Variants in RPTOR observed in about 807,000 individuals in gnomAD.
RPTOR encodes the protein regulatory associated protein of MTOR complex 1.
A neutral mutation model predicts 169.9 loss-of-function variants in RPTOR; 21 were observed. The ratio of observed to expected loss-of-function variants is 0.12; its 90% CI spans 0.09 to 0.18. The LOEUF (loss-of-function observed/expected upper bound fraction) is 0.18. Ranked by LOEUF, RPTOR falls within the 10% of genes least tolerant of loss-of-function variation. The pLI is 1.00. For synonymous variants in RPTOR, 732 were observed against 753.2 expected (o/e 0.97, Z 0.46); for missense variants, 1,133 against 1,855.9 (o/e 0.61, Z 7.16).
intron 5 of RPTOR, among the ~76,000 whole-genome samples, chr17:80,742,544 T>G (rs1027601734): frequency 6.6e-6 from 1 of 150,690 alleles, no homozygotes. Context: ...ACACGTATAC[T>G]CACCTACATT....
intron 1 of RPTOR, among the ~76,000 whole-genome samples, chr17:80,568,225 T>A (rs1032770104): frequency 6.6e-6 from 1 of 152,204 alleles, no homozygotes; most frequent in Admixed American, 6.5e-5. Context: ...TTTCTGTTTC[T>A]AGGCTTCATT....
intron 4 of RPTOR, among the ~76,000 whole-genome samples, chr17:80,719,998 T>G (rs1567874051): frequency 1.3e-5 from 2 of 152,340 alleles, no homozygotes; most frequent in East Asian, 3.9e-4. Context: ...TAATTGTTGC[T>G]TCTGTTGAAA....
At chr17:80,760,728 C>T (rs931409752) in intron 6 of RPTOR, among the ~76,000 whole-genome samples, 7 of 152,188 alleles carry the variant, frequency 4.6e-5, no homozygotes, top group South Asian at 4.1e-4. Flanking sequence ...GCGTGTCTGC[C>T]GGTCTGCAGG....
chr17:80,821,380 T>TA (rs148948926), intron 7 of RPTOR, among the ~76,000 whole-genome samples: 282 of 152,370 alleles, frequency 1.9e-3, no homozygotes, highest in Non-Finnish European at 3.2e-3. Context: ...GCTGATCAGC[T>TA]AAATCTTTTT....
At position 80,945,785 on chromosome 17, in the gene RPTOR, T is replaced by C. The variant is rs201598436; in HGVS notation, c.3140+4T>C. On this transcript the variant is annotated splice_donor_region_variant and intron_variant, in intron 26 of 33. Coordinates refer to ENST00000306801, the MANE Select transcript of RPTOR (RefSeq NM_020761.3). Reference sequence around the variant, plus strand: ...TAGCCGACAAGGACAGCATCTGGTATGCACCGCGCTGGTCAGGCCTCCCTT... The same window carrying C: ...TAGCCGACAAGGACAGCATCTGGTACGCACCGCGCTGGTCAGGCCTCCCTT... The C allele has an allele frequency of 1.4e-4, 221 of 1,574,762 alleles. No homozygotes were observed. The African/African-American group carries it at 2.8e-3, about 20-fold the overall frequency.
intron 4 of RPTOR, among the ~76,000 whole-genome samples, chr17:80,719,786 C>T (rs1410072558): frequency 6.6e-6 from 1 of 152,122 alleles, no homozygotes; most frequent in African/African-American, 2.4e-5. Context: ...AAACCCCAGT[C>T]CCGTAAAATC....
chr17:80,658,980 C>T (rs945944787), intron 3 of RPTOR, among the ~76,000 whole-genome samples: 2 of 152,194 alleles, frequency 1.3e-5, no homozygotes, highest in Non-Finnish European at 2.9e-5. Flanking sequence ...AGTCTGACTG[C>T]TGCTGATGGC....
At chr17:80,587,121 CA>C (rs1257790455) in intron 1 of RPTOR, among the ~76,000 whole-genome samples, 1 of 152,208 alleles carries the variant, frequency 6.6e-6, no homozygotes, top group Non-Finnish European at 1.5e-5. Context: ...CGGGGCGCCT[CA>C]CCGGCCCGGC....
At chr17:80,592,216 AG>A (rs2065112798) in intron 1 of RPTOR, among the ~76,000 whole-genome samples, 8 of 152,200 alleles carry the variant, frequency 5.3e-5, no homozygotes, top group Admixed American at 5.2e-4. Context: ...GCAGTAGATT[AG>A]GTAGGAGAGA....
At chr17:80,937,595 C>T (rs915128705) in intron 24 of RPTOR, among the ~76,000 whole-genome samples, 1 of 152,226 alleles carries the variant, frequency 6.6e-6, no homozygotes, top group African/African-American at 2.4e-5. Flanking sequence ...CATCATGTAA[C>T]AGGATCAGCG....
In RPTOR at chr17:80,823,200, G is replaced by T. The variant is rs746590620; in HGVS notation, c.1113G>T (p.Pro371=). 5.6e-6 allele frequency: 9 copies of T among 1,614,054 alleles called. No homozygotes were observed. The highest frequency in any genetic ancestry group is 1.1e-5 in the South Asian group (1 of 91,062). ...CTCCCGTCAGCAGCCCGCGTCTGCC[G>T]CCCACGTACATGCACGCCATGTGGT... ...NCTPVSSPRL[P]PTYMHAMWQA... The change falls in exon 9 of 34, where the codon CCG becomes CCT. Residue 371 remains proline (P), a synonymous_variant. Transcript: ENST00000306801. This position sits in a 1 kb window ranked among gnomAD's most constrained non-coding sequence, Gnocchi z 4.5.
intron 3 of RPTOR, among the ~76,000 whole-genome samples, chr17:80,654,364 C>G (rs181459932): frequency 6.6e-6 from 1 of 152,236 alleles, no homozygotes; most frequent in Non-Finnish European, 1.5e-5. Context: ...TGAGGGTGCT[C>G]CCCTCGGTGG....
intron 2 of RPTOR, among the ~76,000 whole-genome samples, chr17:80,634,372 GTGTGTGTGCA>G (rs1567830741): frequency 2.1e-5 from 2 of 94,920 alleles, no homozygotes. Flanking sequence ...TGTGCATACT[GTGTGTGTGCA>G]TACTGTGTGC....
chr17:80,905,014 C>T (rs867062115), intron 20 of RPTOR, among the ~76,000 whole-genome samples: 3 of 152,096 alleles, frequency 2.0e-5, no homozygotes, highest in Non-Finnish European at 4.4e-5. Context: ...GCCCTCGGTA[C>T]GCGTGGGGGA....
chr17:80,889,706 A>G (rs961306922), intron 17 of RPTOR, among the ~76,000 whole-genome samples: 2 of 152,146 alleles, frequency 1.3e-5, no homozygotes, highest in Non-Finnish European at 2.9e-5. Flanking sequence ...CCATTCAGGA[A>G]GGGCAGGAAG....
At chr17:80,866,600 G>C (rs2143785540) in intron 13 of RPTOR, among the ~76,000 whole-genome samples, 1 of 152,294 alleles carries the variant, frequency 6.6e-6, no homozygotes, top group Admixed American at 6.5e-5. Context: ...GAATGATAGA[G>C]GTGACATCAT....
intron 15 of RPTOR, 79 bp from the exon 16 acceptor site, chr17:80,883,702 C>G: frequency 4.0e-6 from 6 of 1,487,794 alleles, no homozygotes; most frequent in Middle Eastern, 1.9e-4. Context: ...GGGTGGCCAC[C>G]GTTGTCCCGT....
intron 7 of RPTOR, among the ~76,000 whole-genome samples, chr17:80,804,083 C>T (rs999473340): frequency 1.3e-5 from 2 of 152,232 alleles, no homozygotes; most frequent in Admixed American, 6.5e-5. Context: ...GAGTCTGACT[C>T]AGACCACTGC....
chr17:80,743,800 C>CTGTCCTGGTTACT (rs2066516190), intron 5 of RPTOR, among the ~76,000 whole-genome samples: 1 of 81,634 alleles, frequency 1.2e-5, no homozygotes, highest in East Asian at 3.6e-4. Flanking sequence ...GCTACTAGCA[C>CTGTCCTGGTTACT]AGCCCTGGCT....
Sources: gnomAD v4.1 joint callset for allele counts (sites outside exome capture counted in the v4.1 genomes callset) on GRCh38, gnomAD v4.1.1 for gene constraint, Gnocchi (gnomAD v3.1) non-coding constraint, MANE v1.5 for transcripts, NCBI Gene and HGNC (gene_info 2026-07-23, HGNC 2026-07-21) for gene names.